Variants in MECOM observed in about 807,000 individuals in gnomAD.
MECOM encodes MDS1 and EVI1 complex locus.
In MECOM, 13 loss-of-function variants were observed where a neutral mutation model predicts 116.3. The observed-to-expected ratio is 0.11, with a 90% CI of 0.07 to 0.18. MECOM has a LOEUF of 0.18. Ranked by LOEUF, MECOM falls within the 10% of genes least tolerant of loss-of-function variation. The pLI, the probability that MECOM is intolerant of heterozygous loss-of-function variation, is 1.00. For missense variants in MECOM, 1,299 were observed against 1,509.0 expected (o/e 0.86, Z 2.31); for synonymous variants, 528 against 535.2 (o/e 0.99, Z 0.19).
chr3:169,447,986 G>A (rs543092643), intron 1 of MECOM: 45 of 152,330 alleles, frequency 3.0e-4, no homozygotes, highest in African/African-American at 1.1e-3. Context: ...CTAAATGGCT[G>A]GGCAACTAGG....
intron 2 of MECOM, among the ~76,000 whole-genome samples, chr3:169,274,167 C>A (rs1759305502): frequency 6.6e-6 from 1 of 152,082 alleles, no homozygotes; most frequent in African/African-American, 2.4e-5. Flanking sequence ...CCTCCTCGAC[C>A]TCACAAAGTG....
chr3:169,089,961 T>A (rs752530154), intron 15 of MECOM, 39 bp downstream of exon 15: 5 of 1,583,706 alleles, frequency 3.2e-6, no homozygotes, highest in Non-Finnish European at 4.3e-6. Context: ...TACATGGATC[T>A]ACTCTAGCTT....
At chr3:169,202,129 G>A (rs1749241908) in intron 2 of MECOM, among the ~76,000 whole-genome samples, 1 of 152,042 alleles carries the variant, frequency 6.6e-6, no homozygotes, top group South Asian at 2.1e-4. Flanking sequence ...CCTGACTCCT[G>A]TAATTTACTA....
intron 1 of MECOM, among the ~76,000 whole-genome samples, chr3:169,460,659 T>C (rs1397362403): frequency 6.6e-6 from 1 of 152,230 alleles, no homozygotes; most frequent in African/African-American, 2.4e-5. Flanking sequence ...AAGACTTGGC[T>C]TCTTCCCTTC....
chr3:169,466,569 C>T (rs547846089), intron 1 of MECOM, among the ~76,000 whole-genome samples: 1 of 152,124 alleles, frequency 6.6e-6, no homozygotes, highest in Non-Finnish European at 1.5e-5. Context: ...GTGCTTGTCA[C>T]TCTGTGTTTG....
Position 169,415,275 on chromosome 3 carries a change from G to A in MECOM, c.38-33751C>T, listed in dbSNP as rs545442957. Among the ~76,000 whole-genome samples, 213 of 152,232 alleles carry A rather than the reference G, an allele frequency of 1.4e-3. 2 individuals carry two copies. Among genetic ancestry groups the A allele is most frequent in the African/African-American group, 4.7e-3 (195 of 41,518 alleles). On this transcript the variant is annotated intron_variant, in intron 1 of 16. Coordinates refer to ENST00000651503, the MANE Select transcript of MECOM (RefSeq NM_004991.4). ...TTTTCAACCCAGAATTTCATATCCA[G>A]CCAAACTAAGCTTCATAAGTGAAGT...
chr3:169,413,468 T>G lies in MECOM; in HGVS notation c.38-31944A>C, dbSNP rs538246203. 9.9e-5 allele frequency among the ~76,000 whole-genome samples: 13 copies of G among 131,166 alleles called. No homozygotes were observed. The East Asian group carries it at 1.6e-3, about 16-fold the overall frequency. 86.0% of individuals were successfully genotyped at this position (131,166 alleles called of 152,430 possible). A position where few individuals can be genotyped will look rare whatever the true frequency, so the allele number is the denominator to read the frequency against. On this transcript the variant is annotated intron_variant, in intron 1 of 16. Coordinates refer to ENST00000651503, the MANE Select transcript of MECOM (RefSeq NM_004991.4). Reference sequence around the variant, plus strand: ...CCAAGCTAGCTGCTAGCTGCAGGAGTTTTTTTTTTGTTTTTTTTTTTATTT... The same window carrying G: ...CCAAGCTAGCTGCTAGCTGCAGGAGGTTTTTTTTTGTTTTTTTTTTTATTT...
chr3:169,622,620 C>T (rs1770890424), intron 1 of MECOM, among the ~76,000 whole-genome samples: 1 of 152,210 alleles, frequency 6.6e-6, no homozygotes, highest in Non-Finnish European at 1.5e-5. Context: ...GGTTATATCA[C>T]CTATTCCTGA....
intron 2 of MECOM, chr3:169,146,563 A>G (rs1740003701): frequency 7.3e-7 from 1 of 1,376,262 alleles, no homozygotes; most frequent in Admixed American, 1.9e-5. Flanking sequence ...TTAGCAACGT[A>G]GATAAGCAGC....
intron 1 of MECOM, among the ~76,000 whole-genome samples, chr3:169,630,349 G>T (rs746013162): frequency 3.3e-5 from 5 of 151,934 alleles, no homozygotes; most frequent in Non-Finnish European, 7.4e-5. Flanking sequence ...TTTGACAAGG[G>T]GCCCATGAGA....
intron 16 of MECOM, among the ~76,000 whole-genome samples, chr3:169,086,753 C>T (rs1051594069): frequency 1.3e-5 from 2 of 152,120 alleles, no homozygotes; most frequent in African/African-American, 4.8e-5. Flanking sequence ...CAAAATGCAG[C>T]TACTATTGTA....
chr3:169,620,399 C>T (rs1195443918), intron 1 of MECOM, among the ~76,000 whole-genome samples: 1 of 152,180 alleles, frequency 6.6e-6, no homozygotes, highest in Admixed American at 6.5e-5. Flanking sequence ...GGGATGAAGC[C>T]TGATGAAAAT....
intron 1 of MECOM, among the ~76,000 whole-genome samples, chr3:169,474,749 G>A (rs1158442410): frequency 6.6e-6 from 1 of 152,078 alleles, no homozygotes; most frequent in Non-Finnish European, 1.5e-5. Flanking sequence ...TGTCATCAAT[G>A]TGGATTAATA....
chr3:169,084,649 A>G lies in MECOM; in HGVS notation c.*260T>C. 2.7e-6 allele frequency: 1 copy of G among 373,094 alleles called. No individual in the cohort carries two copies. Among genetic ancestry groups the G allele is most frequent in the Non-Finnish European group, 4.8e-6 (1 of 208,042 alleles). 23.1% of individuals were successfully genotyped at this position (373,094 alleles called of 1,614,324 possible). Reference sequence around the variant, plus strand: ...TCAGCCCACCAAGTTTTTTGTTTTCACTGAATCACTTTAAGTCGCATTGAT... The same window carrying G: ...TCAGCCCACCAAGTTTTTTGTTTTCGCTGAATCACTTTAAGTCGCATTGAT... On this transcript the variant is annotated 3_prime_UTR_variant, in exon 17 of 17. Transcript: ENST00000651503.
chr3:169,141,871 T>A (rs1262773594), intron 3 of MECOM, among the ~76,000 whole-genome samples: 1 of 152,002 alleles, frequency 6.6e-6, no homozygotes, highest in Non-Finnish European at 1.5e-5. Flanking sequence ...GAGTTAAAAA[T>A]TACCACTTAA....
chr3:169,333,474 T>A (rs1316325710), intron 2 of MECOM, among the ~76,000 whole-genome samples: 5 of 152,010 alleles, frequency 3.3e-5, no homozygotes, highest in Admixed American at 6.6e-5. Context: ...TTGGTTGACA[T>A]CCCTCCCCAA....
At chr3:169,316,697 C>T (rs1719806106) in intron 2 of MECOM, among the ~76,000 whole-genome samples, 2 of 152,284 alleles carry the variant, frequency 1.3e-5, no homozygotes, top group South Asian at 4.1e-4. Context: ...GAATTATAGG[C>T]ATGTGCCACC....
At chr3:169,493,034 T>C (rs1483034487) in intron 1 of MECOM, among the ~76,000 whole-genome samples, 2 of 152,198 alleles carry the variant, frequency 1.3e-5, no homozygotes, top group Non-Finnish European at 2.9e-5. Flanking sequence ...TTAAATAGAA[T>C]AGAAAGCTAT....
intron 1 of MECOM, among the ~76,000 whole-genome samples, chr3:169,410,343 C>G (rs1055146129): frequency 6.6e-5 from 10 of 152,330 alleles, no homozygotes; most frequent in African/African-American, 2.4e-4. Flanking sequence ...TGTCCATCAG[C>G]TATCCCTTCT....
Sources: allele counts gnomAD v4.1 joint callset (sites outside exome capture counted in the v4.1 genomes callset), GRCh38; gene constraint gnomAD v4.1.1; transcripts MANE v1.5; gene names NCBI Gene and HGNC (gene_info 2026-07-23, HGNC 2026-07-21).